MORN1: variants seen among roughly 807,000 people sequenced by gnomAD.
The protein encoded by MORN1 is MORN repeat containing 1.
MORN1 carries 67 observed loss-of-function variants against 61.9 expected under a neutral mutation model. The ratio of observed to expected loss-of-function variants is 1.08; its 90% CI spans 0.89 to 1.33. The LOEUF (loss-of-function observed/expected upper bound fraction) is 1.33, where lower values mean the gene tolerates loss of function less well. MORN1 is among the 40% of genes most tolerant of loss of function. The pLI is 0.00. For missense variants in MORN1, 752 were observed against 691.2 expected, an observed-to-expected ratio of 1.09 and a Z score of -0.99; for synonymous variants, 301 against 292.0, an observed-to-expected ratio of 1.03 and a Z score of -0.31.
chr1:2,388,148 C>A (rs1018555764), intron 3 of MORN1, 91 bp downstream of exon 3: 1 of 1,002,946 alleles, frequency 1.0e-6, no homozygotes, highest in Non-Finnish European at 1.5e-6. Flanking sequence ...CCCGTCTACA[C>A]GTCACGCCTT....
Position 2,391,553 on chromosome 1 carries a change from T to C in MORN1, c.-20A>G, listed in dbSNP as rs994550658. 7 of 1,246,278 alleles carry C rather than the reference T, an allele frequency of 5.6e-6. No homozygotes were observed. The highest frequency in any genetic ancestry group is 7.1e-6 in the Non-Finnish European group (7 of 989,180). 77.2% of individuals were successfully genotyped at this position (1,246,278 alleles called of 1,614,324 possible). A position where few individuals can be genotyped will look rare whatever the true frequency, so the allele number is the denominator to read the frequency against. On this transcript the variant is annotated 5_prime_UTR_variant, in exon 1 of 14. Transcript: ENST00000378531. ...TGCCATCTTGCCGCCGAGGGTTCTC[T>C]TAGCGACCAGCAACGCCCGCTTCCA... is the stretch of plus-strand genomic sequence containing the variant.
At position 2,334,182 on chromosome 1, in the gene MORN1, A is replaced by T. The variant is rs1367386666; in HGVS notation, c.1250+2287T>A. ...GGGACAGAGCTGGGGAGGTCCTGGA[A>T]GAGGTCGTGAGGTCGACGCCCCGGT... On this transcript the variant is annotated intron_variant, in intron 12 of 13. Transcript: ENST00000378531. This position sits in a 1 kb window ranked among gnomAD's most constrained non-coding sequence, Gnocchi z 5.4. Among the ~76,000 whole-genome samples the T allele has an allele frequency of 2.6e-5, 4 of 151,830 alleles. No homozygotes were observed. Among genetic ancestry groups the T allele is most frequent in the Admixed American group, 2.6e-4 (4 of 15,234 alleles).
intron 2 of MORN1, 107 bp from the exon 3 acceptor site, chr1:2,388,444 A>C: frequency 1.2e-6 from 1 of 839,834 alleles, no homozygotes. Context: ...TGGCTTCAAA[A>C]CTTGTGTTTG....
rs1380609402 is a variant in MORN1 at position 2,334,542 on chromosome 1, C to T, written c.1250+1927G>A. ...GGCGGGGCTCCCTTGGGGGAGCAGG[C>T]CTGGTTTTGGGCTGCCTGTCCCAAC... On this transcript the variant is annotated intron_variant, in intron 12 of 13. Transcript: ENST00000378531. The surrounding 1 kb of genome is among the most constrained non-coding windows in gnomAD (Gnocchi z 5.4). 2.0e-5 allele frequency among the ~76,000 whole-genome samples: 3 copies of T among 151,782 alleles called. No homozygotes were observed. Among genetic ancestry groups the T allele is most frequent in the Admixed American group, 1.3e-4 (2 of 15,268 alleles).
chr1:2,360,363 T>C (rs976671067), intron 8 of MORN1, among the ~76,000 whole-genome samples: 3 of 152,040 alleles, frequency 2.0e-5, no homozygotes, highest in Admixed American at 2.0e-4. Context: ...GCCGACAAAG[T>C]GCAATGAAAT....
rs58763089 is a variant in MORN1, at chr1:2,335,828, T to TAGCCCAGCCCAGCCCAGCCCAGCCC, written c.1250+640_1250+641insGGGCTGGGCTGGGCTGGGCTGGGCT. Among the ~76,000 whole-genome samples the TAGCCCAGCCCAGCCCAGCCCAGCCC allele has an allele frequency of 1.6e-3, 225 of 143,114 alleles. 13 individuals are homozygous for TAGCCCAGCCCAGCCCAGCCCAGCCC. Among genetic ancestry groups the TAGCCCAGCCCAGCCCAGCCCAGCCC allele is most frequent in the African/African-American group, 6.7e-3 (220 of 32,930 alleles). 93.9% of individuals were successfully genotyped at this position (143,114 alleles called of 152,430 possible). ...ATCAGCGGGGGCCTCCTCGCCTCCA[T>TAGCCCAGCCCAGCCCAGCCCAGCCC]AGCCCAGCCCAGCCCAGCGCGCAGC... On this transcript the variant is annotated intron_variant, in intron 12 of 13. Coordinates refer to ENST00000378531, the MANE Select transcript of MORN1 (RefSeq NM_024848.3).
In MORN1 at chr1:2,374,836, A is replaced by G. The variant is rs190268404; in HGVS notation, c.538-279T>C. ...GGCACAGTATATAAAATGCAAACAA[A>G]ACCTCGAAGGGGCACATTTCAGCAA... On this transcript the variant is annotated intron_variant, in intron 6 of 13. Transcript: ENST00000378531. 9 of 358,286 alleles carry G rather than the reference A, an allele frequency of 2.5e-5. No individual in the cohort carries two copies. In the East Asian group the frequency reaches 4.3e-4, roughly 17 times the overall value. 22.2% of individuals were successfully genotyped at this position (358,286 alleles called of 1,614,324 possible). A position where few individuals can be genotyped will look rare whatever the true frequency, so the allele number is the denominator to read the frequency against.
chr1:2,363,812 ATATATATATATAT>A (rs1641946513), intron 8 of MORN1, among the ~76,000 whole-genome samples: 3 of 95,572 alleles, frequency 3.1e-5, no homozygotes, highest in Admixed American at 9.4e-5. Flanking sequence ...AAACAAAAAA[ATATATATATATAT>A]AAAAAAAATC....
At chr1:2,343,958 AGGCGGGACTG>A (rs1641455969) in intron 10 of MORN1, among the ~76,000 whole-genome samples, 1 of 42,976 alleles carries the variant, frequency 2.3e-5, no homozygotes, top group Non-Finnish European at 4.4e-5. Context: ...GGGGTGACTG[AGGCGGGACTG>A]GGCCTGGGGC....
In MORN1 at chr1:2,390,731, C is replaced by G. The variant is rs558189897; in HGVS notation, c.76+727G>C. 2.3e-5 allele frequency: 23 copies of G among 984,482 alleles called. No homozygotes were observed. The African/African-American group carries it at 3.8e-4, about 16-fold the overall frequency. The allele number at this position is 984,482 out of a possible 1,614,324, so 61.0% of individuals were successfully genotyped here. On this transcript the variant is annotated intron_variant, in intron 1 of 13. Transcript: ENST00000378531. ...AGACCCGTTTATTTGATTCTAGAAA[C>G]AGTTCCTATCAAAACCTGCTCTTTT...
Position 2,334,109 on chromosome 1 carries a change from A to AG in MORN1, c.1250+2359dup, listed in dbSNP as rs35270841. The stretch of plus-strand genomic sequence containing the variant: ...GCAGGGTCCCCCACTCTTTCCTAAG[A>AG]GGGGGCCATCACACAAACACCCAGA... On this transcript the variant is annotated intron_variant, in intron 12 of 13. Transcript: ENST00000378531. This position sits in a 1 kb window ranked among gnomAD's most constrained non-coding sequence, Gnocchi z 5.4. Among the ~76,000 whole-genome samples the AG allele has an allele frequency of 1.3e-5, 2 of 151,624 alleles. No homozygotes were observed. Among genetic ancestry groups the AG allele is most frequent in the East Asian group, 3.9e-4 (2 of 5,146 alleles).
At position 2,337,549 on chromosome 1, in the gene MORN1, G is replaced by A. The variant is rs1641307135; in HGVS notation, c.1037-699C>T. On this transcript the variant is annotated intron_variant, in intron 10 of 13. Coordinates refer to ENST00000378531, the MANE Select transcript of MORN1 (RefSeq NM_024848.3). The surrounding 1 kb of genome is among the most constrained non-coding windows in gnomAD (Gnocchi z 5.7). ...TCCCCTCTGGCTTCCCCCACGCACA[G>A]ATGGAGCTGCAGCCCCCAGGGCCCA... Among the ~76,000 whole-genome samples, 2 of 152,198 alleles carry A rather than the reference G, an allele frequency of 1.3e-5. No individual in the cohort carries two copies. The highest frequency in any genetic ancestry group is 6.5e-5 in the Admixed American group (1 of 15,280).
intron 10 of MORN1, among the ~76,000 whole-genome samples, chr1:2,349,745 G>A (rs890874556): frequency 6.6e-6 from 1 of 152,156 alleles, no homozygotes; most frequent in Non-Finnish European, 1.5e-5. Context: ...GTGGCAGAGG[G>A]CAACTTGATT....
At chr1:2,359,405 G>A (rs1195241551) in intron 8 of MORN1, among the ~76,000 whole-genome samples, 1 of 152,226 alleles carries the variant, frequency 6.6e-6, no homozygotes, top group Non-Finnish European at 1.5e-5. Flanking sequence ...CCAAGGAGTG[G>A]ACACCACTGT....
intron 13 of MORN1, 134 bp from the exon 14 acceptor site, chr1:2,321,713 G>A (rs1223524624): frequency 8.1e-7 from 1 of 1,232,890 alleles, no homozygotes; most frequent in Admixed American, 3.4e-5. Flanking sequence ...CCTGGGTTCT[G>A]GGATTCTTGG....
chr1:2,322,872 C>T (rs1343157011), intron 13 of MORN1: 1 of 985,432 alleles, frequency 1.0e-6, no homozygotes, highest in Non-Finnish European at 1.2e-6. Flanking sequence ...GGGTGGGCGG[C>T]AAGGGCTCTG....
At chr1:2,351,957 G>T in intron 10 of MORN1, 1 of 519,790 alleles carries the variant, frequency 1.9e-6, no homozygotes. Context: ...GCTTCCCTCT[G>T]CTCGAGGGAC....
intron 10 of MORN1, among the ~76,000 whole-genome samples, chr1:2,338,598 G>C (rs980442501): frequency 5.3e-5 from 8 of 152,228 alleles, no homozygotes. Flanking sequence ...GGTTCACACG[G>C]TGGCGGGGGC....
rs1642515815 is a variant in MORN1, at chr1:2,387,109, A to G, written c.358+310T>C. The G allele has an allele frequency of 2.9e-5, 12 of 407,360 alleles. No individual in the cohort carries two copies. The South Asian group carries it at 3.5e-4, about 12-fold the overall frequency. The allele number at this position is 407,360 out of a possible 1,614,324, so 25.2% of individuals were successfully genotyped here. A position where few individuals can be genotyped will look rare whatever the true frequency, so the allele number is the denominator to read the frequency against. ...CTCCCTGCAGGGCCCAGGCCAACCT[A>G]CTGACCCCAGGATCAGGAGCAGTTA... On this transcript the variant is annotated intron_variant, in intron 4 of 13. Coordinates refer to ENST00000378531, the MANE Select transcript of MORN1 (RefSeq NM_024848.3).
Sources: gnomAD v4.1 joint callset for allele counts (sites outside exome capture counted in the v4.1 genomes callset) on GRCh38, gnomAD v4.1.1 for gene constraint, Gnocchi (gnomAD v3.1) non-coding constraint, MANE v1.5 for transcripts, NCBI Gene and HGNC (gene_info 2026-07-23, HGNC 2026-07-21) for gene names.